TRMT44: variants seen among roughly 807,000 people sequenced by gnomAD.
TRMT44 encodes tRNA methyltransferase 44 homolog.
In TRMT44, 78 loss-of-function variants were observed where a neutral mutation model predicts 77.3. The ratio of observed to expected loss-of-function variants is 1.01; its 90% confidence interval spans 0.84 to 1.22. The LOEUF is 1.22. TRMT44 is among the 50% of genes most tolerant of loss of function. The pLI is 0.00. For missense variants in TRMT44, 1,090 were observed against 964.4 expected (o/e 1.13, Z -1.73); for synonymous variants, 391 against 383.3 (o/e 1.02, Z -0.23).
chr4:8,471,185 C>T lies in TRMT44; in HGVS notation c.2029C>T (p.His677Tyr). 2 of 1,596,920 alleles carry T rather than the reference C, an allele frequency of 1.3e-6. No individual in the cohort carries two copies. The highest frequency in any genetic ancestry group is 1.3e-5 in the African/African-American group (1 of 74,134). Residue 677 changes from histidine to tyrosine, a missense_variant, in exon 10 of 11, where the codon CAC becomes TAC. His to Tyr is a moderately conservative substitution (Grantham distance 83). Coordinates refer to ENST00000389737, the MANE Select transcript of TRMT44 (RefSeq NM_152544.3). ...CCTGCAGACGCTGCTCCGGAACAGC[C>T]ACCAGGTGTTCCAAGGTACGGAGTC... The part of the protein sequence containing the change: ...GGLQTLLRNS[H>Y]QVFQVVNGRV...
chr4:8,497,662 CA>C (rs1171233960), downstream of TRMT44, among the ~76,000 whole-genome samples: 3 of 151,842 alleles, frequency 2.0e-5, no homozygotes, highest in African/African-American at 7.3e-5. Context: ...AACAAACAAA[CA>C]AAAAAACCCT....
At chr4:8,506,520 A>G in the TRMT44 span, among the ~76,000 whole-genome samples, 2 of 152,166 alleles carry the variant, frequency 1.3e-5, no homozygotes. Context: ...ATTTGGCCTC[A>G]CTTAACCTTT....
At chr4:8,464,635 A>G (rs958811547) in intron 7 of TRMT44, among the ~76,000 whole-genome samples, 10 of 152,224 alleles carry the variant, frequency 6.6e-5, no homozygotes, top group African/African-American at 2.2e-4. Context: ...AGGAGTAACT[A>G]GGTGAAAGAT....
At chr4:8,506,275 C>G in the TRMT44 span, among the ~76,000 whole-genome samples, 1 of 152,220 alleles carries the variant, frequency 6.6e-6, no homozygotes, top group Non-Finnish European at 1.5e-5. Flanking sequence ...GCCCTGCTGA[C>G]ACTGCTGAGG....
At position 8,465,570 on chromosome 4, in the gene TRMT44, G is replaced by C; in HGVS notation, c.1494+9G>C. 7 of 1,608,154 alleles carry C rather than the reference G, an allele frequency of 4.4e-6. No individual in the cohort carries two copies. The highest frequency in any genetic ancestry group is 5.9e-6 in the Non-Finnish European group (7 of 1,176,632). On this transcript the variant is annotated intron_variant, in intron 8 of 10. Transcript: ENST00000389737. ...TTCCTTCAACCAAAAGAGTATGTCT[G>C]ATTCTCATGTTGTTCTAGGCGGTGT...
Position 8,465,230 on chromosome 4 carries a change from T to G in TRMT44, c.1311-148T>G, listed in dbSNP as rs368540939. On this transcript the variant is annotated intron_variant, in intron 7 of 10. Coordinates refer to ENST00000389737, the MANE Select transcript of TRMT44 (RefSeq NM_152544.3). ...CTGAAGCTGAAATAAAAGTGGACAT[T>G]ATATGCAACAAAAAGAAACAATATT... The G allele has an allele frequency of 4.8e-4, 354 of 745,196 alleles. 3 individuals are homozygous for G. Among genetic ancestry groups the G allele is most frequent in the South Asian group, 4.4e-3 (244 of 55,676 alleles). 46.2% of individuals were successfully genotyped at this position (745,196 alleles called of 1,614,324 possible).
At chr4:8,480,115 G>C (rs1041262243), downstream of TRMT44, among the ~76,000 whole-genome samples, 1 of 152,176 alleles carries the variant, frequency 6.6e-6, no homozygotes, top group Non-Finnish European at 1.5e-5. Context: ...GTTGTCAGTG[G>C]TGAATTCACA....
chr4:8,484,466 A>G (rs893446860), intron 2 of TRMT44, among the ~76,000 whole-genome samples: 2 of 152,214 alleles, frequency 1.3e-5, no homozygotes. Context: ...AAGGGCCTCT[A>G]AAAGTATTAG....
rs778326948 is a variant in TRMT44, at chr4:8,468,409, C to T, written c.1927+63C>T. ...TCCCAGGCTTGAGGGCAGGAATTCA[C>T]GTCTTCAGAACCGACATGAAATGGT... On this transcript the variant is annotated intron_variant, in intron 9 of 10. Transcript: ENST00000389737. The T allele has an allele frequency of 5.7e-5, 87 of 1,518,468 alleles. 2 individuals are homozygous for T. The highest frequency in any genetic ancestry group is 4.6e-4 in the South Asian group (41 of 88,604). 94.1% of individuals were successfully genotyped at this position (1,518,468 alleles called of 1,614,324 possible). A position where few individuals can be genotyped will look rare whatever the true frequency, so the allele number is the denominator to read the frequency against.
intron 10 of TRMT44, 97 bp from the exon 11 acceptor site, chr4:8,475,675 T>C (rs1411001527): frequency 8.9e-7 from 1 of 1,125,168 alleles, no homozygotes; most frequent in Non-Finnish European, 1.3e-6. Context: ...TGACCCTGGA[T>C]TGGCACCTCC....
chr4:8,441,347 G>A lies in TRMT44; in HGVS notation c.525G>A (p.Ala175=), dbSNP rs1205724550. The A allele has an allele frequency of 5.2e-6, 8 of 1,535,118 alleles. No homozygotes were observed. Among genetic ancestry groups the A allele is most frequent in the African/African-American group, 2.7e-5 (2 of 73,176 alleles). The change falls in exon 1 of 11, where the codon GCG becomes GCA. Residue 175 remains alanine (A), a synonymous_variant. Coordinates refer to ENST00000389737, the MANE Select transcript of TRMT44 (RefSeq NM_152544.3). ...CCGGGGCGGGATCGCAGCCAGAGGC[G>A]CAGCGTGAGCTCGACGTGGTTCTCA... ...TSSGAGSQPE[A]QRELDVVLRT...
At chr4:8,515,782 T>C in the TRMT44 span, among the ~76,000 whole-genome samples, 4 of 152,198 alleles carry the variant, frequency 2.6e-5, no homozygotes, top group African/African-American at 9.6e-5. Context: ...CGCTCAAACG[T>C]TCCCTCCCCA....
chr4:8,444,708 A>AT lies in TRMT44; in HGVS notation c.620-1763dup, dbSNP rs1210978221. Among the ~76,000 whole-genome samples the AT allele has an allele frequency of 6.6e-6, 1 of 152,178 alleles. No homozygotes were observed. Among genetic ancestry groups the AT allele is most frequent in the Non-Finnish European group, 1.5e-5 (1 of 68,026 alleles). ...CCACCTCTCCCGGCCACTATTGTAC[A>AT]TTTTTAAATAACGAAAAGAGTGTAA... On this transcript the variant is annotated intron_variant, in intron 1 of 10. Coordinates refer to ENST00000389737, the MANE Select transcript of TRMT44 (RefSeq NM_152544.3). This position sits in a 1 kb window ranked among gnomAD's most constrained non-coding sequence, Gnocchi z 4.0.
At chr4:8,466,678 G>A (rs1726575918) in intron 8 of TRMT44, among the ~76,000 whole-genome samples, 1 of 152,230 alleles carries the variant, frequency 6.6e-6, no homozygotes, top group Admixed American at 6.5e-5. Flanking sequence ...CTCTAGGCGG[G>A]TCCGAGGAGC....
chr4:8,487,834 G>A (rs1006300318), intron 2 of TRMT44, among the ~76,000 whole-genome samples: 194 of 152,232 alleles, frequency 1.3e-3, no homozygotes, highest in African/African-American at 4.0e-3. Flanking sequence ...CAAGGCAGGC[G>A]TCCATGAGTG....
In TRMT44 at chr4:8,441,444, A is replaced by AAG. The variant is rs751181865; in HGVS notation, c.619+6_619+7dup. 6.7e-7 allele frequency: 1 copy of AAG among 1,502,560 alleles called. No homozygotes were observed. Among genetic ancestry groups the AAG allele is most frequent in the African/African-American group, 1.4e-5 (1 of 72,300 alleles). The allele number at this position is 1,502,560 out of a possible 1,614,324, so 93.1% of individuals were successfully genotyped here. ...CAGGAGGGAAATAGTCGTGCAAGGT[A>AAG]AGAGTGTTTTGATAGTGGACGGATA... On this transcript the variant is annotated splice_donor_region_variant and intron_variant, in intron 1 of 10. Coordinates refer to ENST00000389737, the MANE Select transcript of TRMT44 (RefSeq NM_152544.3).
chr4:8,450,757 C>G (rs557713598), intron 3 of TRMT44, among the ~76,000 whole-genome samples: 1 of 151,830 alleles, frequency 6.6e-6, no homozygotes, highest in South Asian at 2.1e-4. Context: ...ATCTTCCTCC[C>G]CGTCCTAGGA....
rs2109068389 is a variant in TRMT44, at chr4:8,441,102, G to A, written c.280G>A (p.Gly94Ser). The A allele has an allele frequency of 1.3e-6, 2 of 1,515,068 alleles. No homozygotes were observed. Among genetic ancestry groups the A allele is most frequent in the South Asian group, 2.5e-5 (2 of 81,418 alleles). 93.9% of individuals were successfully genotyped at this position (1,515,068 alleles called of 1,614,324 possible). The stretch of plus-strand genomic sequence containing the variant: ...CAGGTCGCTATCAGGACCCGAGCAG[G>A]GCACGGCATGTTGCGAACTTGAGGA... The part of the protein sequence containing the change: ...GPRSLSGPEQ[G>S]TACCELEEAQ... The change falls in exon 1 of 11, where the codon GGC (glycine) becomes AGC (serine). Residue 94 changes from glycine to serine, a missense_variant. By Grantham distance (56) the Gly-to-Ser change is moderately conservative (BLOSUM62 0). Transcript: ENST00000389737.
intron 2 of TRMT44, among the ~76,000 whole-genome samples, chr4:8,448,326 G>A (rs998900108): frequency 1.3e-5 from 2 of 152,252 alleles, no homozygotes; most frequent in African/African-American, 2.4e-5. Flanking sequence ...GCAGCGGGAA[G>A]TGAGTCTCCT....
Sources: gnomAD v4.1 joint callset for allele counts (sites outside exome capture counted in the v4.1 genomes callset) on GRCh38, gnomAD v4.1.1 for gene constraint, Gnocchi (gnomAD v3.1) non-coding constraint, MANE v1.5 for transcripts, NCBI Gene and HGNC (gene_info 2026-07-23, HGNC 2026-07-21) for gene names.